The following SH3GL2 variants were observed in gnomAD, a reference collection of about 807,000 sequenced individuals.
SH3GL2 encodes the protein SH3 domain containing GRB2 like 2, endophilin A1, also known as endophilin-A1.
In SH3GL2, 24 loss-of-function variants were observed where a neutral mutation model predicts 46.0. The observed-to-expected ratio is 0.52, with a 90% CI of 0.38 to 0.73. The LOEUF is 0.73. SH3GL2 is among the 30% of genes least tolerant of loss of function. The probability of loss-of-function intolerance (pLI) is 0.00; values close to 1 mark genes in which losing one functional copy is unlikely to be tolerated. For missense variants in SH3GL2, 413 were observed against 424.2 expected, an observed-to-expected ratio of 0.97 and a Z score of 0.23; for synonymous variants, 196 against 147.1, an observed-to-expected ratio of 1.33 and a Z score of -2.40.
chr9:17,637,613 A>G (rs1819570019), intron 1 of SH3GL2, among the ~76,000 whole-genome samples: 1 of 152,174 alleles, frequency 6.6e-6, no homozygotes. Context: ...TGTGGTTTGA[A>G]TCCTGTTTCT....
At chr9:17,629,176 G>A (rs1819363932) in intron 1 of SH3GL2, among the ~76,000 whole-genome samples, 1 of 152,164 alleles carries the variant, frequency 6.6e-6, no homozygotes, top group Admixed American at 6.5e-5. Flanking sequence ...TGAAGTGTGT[G>A]ATCTGGATTA....
intron 1 of SH3GL2, among the ~76,000 whole-genome samples, chr9:17,738,288 GA>G (rs989554285): frequency 2.0e-5 from 3 of 148,806 alleles, no homozygotes; most frequent in Non-Finnish European, 3.0e-5. Context: ...ACCCTAATCT[GA>G]AAAAAAAATG....
intron 1 of SH3GL2, among the ~76,000 whole-genome samples, chr9:17,631,289 C>T (rs1352664836): frequency 1.3e-5 from 2 of 152,100 alleles, no homozygotes; most frequent in Non-Finnish European, 2.9e-5. Flanking sequence ...AGAGGAGAGT[C>T]GGTTTTGAAG....
intron 3 of SH3GL2, among the ~76,000 whole-genome samples, chr9:17,765,833 C>G (rs551597689): frequency 6.6e-6 from 1 of 152,292 alleles, no homozygotes; most frequent in African/African-American, 2.4e-5. Flanking sequence ...GTCTTATTCA[C>G]CACCACATCC....
intron 1 of SH3GL2, among the ~76,000 whole-genome samples, chr9:17,675,337 G>A (rs1220909132): frequency 6.6e-6 from 1 of 152,148 alleles, no homozygotes; most frequent in African/African-American, 2.4e-5. Flanking sequence ...AGTATACAGG[G>A]AAGTGAAAGA....
chr9:17,664,513 C>T (rs750219148), intron 1 of SH3GL2, among the ~76,000 whole-genome samples: 11 of 151,886 alleles, frequency 7.2e-5, no homozygotes, highest in African/African-American at 2.7e-4. Flanking sequence ...GGTTGTCAGA[C>T]AGTGAAGAAT....
intron 1 of SH3GL2, among the ~76,000 whole-genome samples, chr9:17,594,895 T>C (rs916114381): frequency 3.3e-5 from 5 of 152,338 alleles, no homozygotes; most frequent in African/African-American, 1.2e-4. Context: ...GTCCTATGCA[T>C]ATATTTTTGA....
At chr9:17,762,456 A>G (rs2131153176) in intron 3 of SH3GL2, among the ~76,000 whole-genome samples, 1 of 151,076 alleles carries the variant, frequency 6.6e-6, no homozygotes, top group South Asian at 2.1e-4. Flanking sequence ...TGTGTGCTGT[A>G]CTAAGTGCTG....
At position 17,702,361 on chromosome 9, in the gene SH3GL2, C is replaced by G. The variant is rs1403045840; in HGVS notation, c.46-44705C>G. 2.6e-5 allele frequency among the ~76,000 whole-genome samples: 4 copies of G among 151,974 alleles called. No individual in the cohort carries two copies. In the East Asian group the frequency reaches 7.8e-4, roughly 29 times the overall value. On this transcript the variant is annotated intron_variant, in intron 1 of 8. Coordinates refer to ENST00000380607, the MANE Select transcript of SH3GL2 (RefSeq NM_003026.5). ...TAGTTTTGATCTGATGGAAGCTTTT[C>G]TAATTATGATCCCAAACCCAGAAAC...
intron 1 of SH3GL2, among the ~76,000 whole-genome samples, chr9:17,599,430 A>G (rs1363488088): frequency 1.3e-5 from 2 of 152,238 alleles, no homozygotes. Context: ...ATGGCACTGT[A>G]TTTCCAGCAG....
rs1052504913 is a variant in SH3GL2 at position 17,791,207 on chromosome 9, C to G, written c.625-24C>G. The G allele has an allele frequency of 3.2e-6, 5 of 1,551,404 alleles. 1 individual carries two copies. The South Asian group carries it at 3.3e-5, about 10-fold the overall frequency. On this transcript the variant is annotated intron_variant, in intron 6 of 8. Transcript: ENST00000380607. Reference sequence around the variant, plus strand: ...GGGATGGTAACGTGTAAAACTAAGGCATGATTTTCCCATCAATCTGCAGAT... The same window carrying G: ...GGGATGGTAACGTGTAAAACTAAGGGATGATTTTCCCATCAATCTGCAGAT...
chr9:17,712,838 A>ACCACCCAC lies in SH3GL2; in HGVS notation c.46-34211_46-34204dup, dbSNP rs930410995. ...ATCTGTATATCCATCCATCCATCCA[A>ACCACCCAC]CCACCCACCCACCCACCCACCCACT... On this transcript the variant is annotated intron_variant, in intron 1 of 8. Coordinates refer to ENST00000380607, the MANE Select transcript of SH3GL2 (RefSeq NM_003026.5). Among the ~76,000 whole-genome samples the ACCACCCAC allele has an allele frequency of 2.8e-5, 4 of 142,606 alleles. No homozygotes were observed. In the South Asian group the frequency reaches 6.8e-4, roughly 24 times the overall value. 93.6% of individuals were successfully genotyped at this position (142,606 alleles called of 152,430 possible). A position where few individuals can be genotyped will look rare whatever the true frequency, so the allele number is the denominator to read the frequency against.
chr9:17,658,804 C>G (rs1381935875), intron 1 of SH3GL2, among the ~76,000 whole-genome samples: 3 of 152,152 alleles, frequency 2.0e-5, no homozygotes, highest in Non-Finnish European at 4.4e-5. Flanking sequence ...TGCACTGACT[C>G]CCCCAAGATG....
rs1004134978 is a variant in SH3GL2, at chr9:17,793,836, T to C, written c.859+339T>C. Among the ~76,000 whole-genome samples the C allele has an allele frequency of 1.1e-4, 16 of 152,350 alleles. No individual in the cohort carries two copies. The South Asian group carries it at 3.3e-3, about 32-fold the overall frequency. ...GTCAGTTTGGTCTGCGAGTGTCATC[T>C]TTTCTCCTGCGTGTTCGCTCTGAAT... On this transcript the variant is annotated intron_variant, in intron 8 of 8. Coordinates refer to ENST00000380607, the MANE Select transcript of SH3GL2 (RefSeq NM_003026.5).
At chr9:17,683,439 CAG>C (rs1358556806) in intron 1 of SH3GL2, among the ~76,000 whole-genome samples, 2 of 152,014 alleles carry the variant, frequency 1.3e-5, no homozygotes, top group Non-Finnish European at 2.9e-5. Context: ...ACTCTAGGCT[CAG>C]GGGACAGGTG....
intron 1 of SH3GL2, among the ~76,000 whole-genome samples, chr9:17,737,648 C>A (rs369869694): frequency 6.6e-6 from 1 of 152,092 alleles, no homozygotes; most frequent in Non-Finnish European, 1.5e-5. Flanking sequence ...CTGTTATGAC[C>A]TCTTTCTTTC....
intron 1 of SH3GL2, among the ~76,000 whole-genome samples, chr9:17,708,846 T>A (rs1821543553): frequency 6.6e-6 from 1 of 152,008 alleles, no homozygotes; most frequent in Admixed American, 6.6e-5. Flanking sequence ...CATTTGAGAC[T>A]CTTTGTTACC....
chr9:17,752,898 C>G (rs954000384), intron 2 of SH3GL2, among the ~76,000 whole-genome samples: 10 of 152,046 alleles, frequency 6.6e-5, no homozygotes, highest in African/African-American at 2.4e-4. Context: ...GTGTGTTGTT[C>G]CCCTCTGTGC....
At chr9:17,626,121 C>T (rs533426578) in intron 1 of SH3GL2, among the ~76,000 whole-genome samples, 22 of 152,292 alleles carry the variant, frequency 1.4e-4, no homozygotes, top group African/African-American at 4.3e-4. Flanking sequence ...AGGCTCTGGC[C>T]GCAGGACACA....
Sources: gnomAD v4.1 joint callset for allele counts (sites outside exome capture counted in the v4.1 genomes callset) on GRCh38, gnomAD v4.1.1 for gene constraint, MANE v1.5 for transcripts, NCBI Gene and HGNC (gene_info 2026-07-23, HGNC 2026-07-21) for gene names.